Variants in ERC2 observed in about 807,000 individuals in gnomAD.
The protein encoded by ERC2 is ERC protein 2.
A neutral mutation model predicts 114.8 loss-of-function variants in ERC2; 42 were observed. The observed-to-expected ratio is 0.37, with a 90% CI of 0.29 to 0.47. The LOEUF is 0.47. Ranked by LOEUF, ERC2 falls within the 20% of genes least tolerant of loss-of-function variation. The probability of loss-of-function intolerance (pLI) is 0.99; values close to 1 mark genes in which losing one functional copy is unlikely to be tolerated. For synonymous variants in ERC2, 454 were observed against 425.5 expected (o/e 1.07, Z -0.82); for missense variants, 939 against 1,150.7 (o/e 0.82, Z 2.66).
chr3:55,559,777 T>C (rs1279505169), intron 17 of ERC2, among the ~76,000 whole-genome samples: 2 of 152,262 alleles, frequency 1.3e-5, no homozygotes, highest in African/African-American at 4.8e-5. Context: ...TTCTTTTTAA[T>C]CCTTCCTTTC....
chr3:55,677,782 G>A (rs2061882044), intron 17 of ERC2, among the ~76,000 whole-genome samples: 1 of 152,178 alleles, frequency 6.6e-6, no homozygotes, highest in East Asian at 1.9e-4. Flanking sequence ...CTCTTTGTGG[G>A]GATGTGCATA....
At chr3:55,928,991 A>G (rs1015043766) in intron 13 of ERC2, among the ~76,000 whole-genome samples, 2 of 152,066 alleles carry the variant, frequency 1.3e-5, no homozygotes, top group South Asian at 2.1e-4. Flanking sequence ...TGCCAGAACC[A>G]TACTGTTTTG....
At position 56,288,499 on chromosome 3, in the gene ERC2, C is replaced by T. The variant is rs2054872521; in HGVS notation, c.1074+7520G>A. ...TCTGGGGCTCCACCAGTCTCTGTTA[C>T]CGTAAAAAGCAGTTGATGATACTCA... On this transcript the variant is annotated intron_variant, in intron 3 of 17. Transcript: ENST00000288221. 2.0e-5 allele frequency among the ~76,000 whole-genome samples: 3 copies of T among 152,046 alleles called. No individual in the cohort carries two copies. In the South Asian group the frequency reaches 6.2e-4, roughly 32 times the overall value.
rs1209274312 is a variant in ERC2 at position 56,033,030 on chromosome 3, C to A, written c.1642-13999G>T. 5.9e-3 allele frequency among the ~76,000 whole-genome samples: 384 copies of A among 65,010 alleles called. 4 individuals are homozygous for A. Among genetic ancestry groups the A allele is most frequent in the African/African-American group, 0.012 (214 of 18,334 alleles). 42.6% of individuals were successfully genotyped at this position (65,010 alleles called of 152,430 possible). ...AAGAAAGAAAGAAAGAAAAAAGAAA[C>A]AGAAAGAAAGAAAGAAAGAAAGAAA... On this transcript the variant is annotated intron_variant, in intron 7 of 17. Transcript: ENST00000288221.
At chr3:55,772,596 G>A (rs549789017) in intron 14 of ERC2, among the ~76,000 whole-genome samples, 7 of 152,326 alleles carry the variant, frequency 4.6e-5, no homozygotes, top group Non-Finnish European at 7.3e-5. Flanking sequence ...GATTACAGGC[G>A]TAAGCCACTG....
intron 6 of ERC2, among the ~76,000 whole-genome samples, chr3:56,137,548 G>A (rs2080581706): frequency 6.6e-6 from 1 of 152,148 alleles, no homozygotes; most frequent in Non-Finnish European, 1.5e-5. Flanking sequence ...CAGCTTTGTG[G>A]GCCATACAAT....
chr3:56,122,341 G>A (rs760877693), intron 6 of ERC2, among the ~76,000 whole-genome samples: 1 of 152,104 alleles, frequency 6.6e-6, no homozygotes, highest in Non-Finnish European at 1.5e-5. Context: ...TAAATAATCT[G>A]AAGAATACAC....
intron 13 of ERC2, among the ~76,000 whole-genome samples, chr3:55,949,938 A>C (rs2067386266): frequency 6.6e-6 from 1 of 152,190 alleles, no homozygotes; most frequent in South Asian, 2.1e-4. Flanking sequence ...AACTATATTC[A>C]CAGAGAAGAC....
At chr3:56,048,100 T>C (rs1186597321) in intron 7 of ERC2, among the ~76,000 whole-genome samples, 2 of 152,250 alleles carry the variant, frequency 1.3e-5, no homozygotes, top group African/African-American at 4.8e-5. Context: ...GATATTCAGA[T>C]GATATTCAGA....
intron 3 of ERC2, chr3:56,173,990 T>A (rs1429741652): frequency 1.3e-5 from 2 of 154,172 alleles, no homozygotes. Context: ...TCAGTACAAC[T>A]GTGTCACTTT....
chr3:55,697,498 G>A (rs1229600719), intron 16 of ERC2, among the ~76,000 whole-genome samples: 2 of 152,190 alleles, frequency 1.3e-5, no homozygotes, highest in East Asian at 3.9e-4. Flanking sequence ...AAACATAAGA[G>A]TCAGTCAAGT....
chr3:55,652,052 A>G (rs2060647462), intron 17 of ERC2, among the ~76,000 whole-genome samples: 1 of 152,226 alleles, frequency 6.6e-6, no homozygotes, highest in Admixed American at 6.5e-5. Context: ...GAGGAGCGGG[A>G]TAAGCCATTT....
At chr3:56,339,641 C>A (rs1279763428) in intron 2 of ERC2, among the ~76,000 whole-genome samples, 2 of 152,082 alleles carry the variant, frequency 1.3e-5, no homozygotes, top group Non-Finnish European at 2.9e-5. Context: ...CAATGTCTGG[C>A]AACAGGAAGA....
At chr3:55,607,267 C>T (rs985836338) in intron 17 of ERC2, among the ~76,000 whole-genome samples, 4 of 152,110 alleles carry the variant, frequency 2.6e-5, no homozygotes, top group African/African-American at 9.7e-5. Context: ...GAGCACAAAG[C>T]AAAGGCAGCC....
intron 14 of ERC2, among the ~76,000 whole-genome samples, chr3:55,882,248 C>T (rs2063149758): frequency 6.6e-6 from 1 of 152,194 alleles, no homozygotes; most frequent in African/African-American, 2.4e-5. Flanking sequence ...GTGATCTCTG[C>T]ACATACAGCT....
intron 6 of ERC2, among the ~76,000 whole-genome samples, chr3:56,110,173 A>G (rs2078884997): frequency 6.6e-6 from 1 of 152,214 alleles, no homozygotes; most frequent in South Asian, 2.1e-4. Context: ...TTTTCACTTT[A>G]AAAGACCCAG....
At chr3:55,812,030 G>A (rs767199377) in intron 14 of ERC2, among the ~76,000 whole-genome samples, 41 of 152,088 alleles carry the variant, frequency 2.7e-4, no homozygotes, top group Non-Finnish European at 5.7e-4. Flanking sequence ...CCACCCCACA[G>A]GCCCCAGTGT....
chr3:55,733,101 T>G (rs2065361111), intron 15 of ERC2, among the ~76,000 whole-genome samples: 1 of 152,170 alleles, frequency 6.6e-6, no homozygotes, highest in Admixed American at 6.5e-5. Flanking sequence ...AAGGGCTGTT[T>G]CTTAGGTCTA....
intron 17 of ERC2, among the ~76,000 whole-genome samples, chr3:55,608,794 A>G (rs1270531688): frequency 5.3e-5 from 8 of 152,216 alleles, no homozygotes; most frequent in Admixed American, 5.2e-4. Context: ...CGGCAAGCCA[A>G]TTACCTCAAT....
Sources: allele counts gnomAD v4.1 joint callset (sites outside exome capture counted in the v4.1 genomes callset), GRCh38; gene constraint gnomAD v4.1.1; transcripts MANE v1.5; gene names NCBI Gene and HGNC (gene_info 2026-07-23, HGNC 2026-07-21).